The following DNER variants were observed in gnomAD, a reference collection of about 807,000 sequenced individuals.
DNER encodes delta and Notch-like epidermal growth factor-related receptor.
DNER carries 33 observed loss-of-function variants against 78.2 expected under a neutral mutation model. That is an observed-to-expected ratio of 0.42 (90% CI 0.32 to 0.56). DNER has a LOEUF of 0.56. DNER is among the 20% of genes least tolerant of loss of function. DNER has a pLI of 0.11. For missense variants in DNER, 918 were observed against 975.3 expected, an observed-to-expected ratio of 0.94 and a Z score of 0.78; for synonymous variants, 417 against 384.8, an observed-to-expected ratio of 1.08 and a Z score of -0.98.
chr2:229,596,910 T>C (rs1048544709), intron 1 of DNER, among the ~76,000 whole-genome samples: 7 of 152,250 alleles, frequency 4.6e-5, no homozygotes, highest in African/African-American at 1.4e-4. Context: ...TGATGGAGTG[T>C]GTATGCACAC....
chr2:229,516,802 A>AAAG (rs1304416351), intron 5 of DNER, among the ~76,000 whole-genome samples: 2 of 149,292 alleles, frequency 1.3e-5, no homozygotes, highest in African/African-American at 4.9e-5. Flanking sequence ...AAAAAAAAAA[A>AAAG]AAGAAAAGAA....
chr2:229,362,358 A>G (rs1269139798), intron 12 of DNER, among the ~76,000 whole-genome samples: 1 of 152,238 alleles, frequency 6.6e-6, no homozygotes, highest in Non-Finnish European at 1.5e-5. Flanking sequence ...TTCCAAGCCT[A>G]GATGCTGAAC....
rs78175906 is a variant in DNER at position 229,521,089 on chromosome 2, G to A, written c.994-8153C>T. Among the ~76,000 whole-genome samples the A allele has an allele frequency of 2.5e-3, 382 of 152,294 alleles. 3 individuals carry two copies. Among genetic ancestry groups the A allele is most frequent in the African/African-American group, 8.6e-3 (358 of 41,562 alleles). On this transcript the variant is annotated intron_variant, in intron 5 of 12. Coordinates refer to ENST00000341772, the MANE Select transcript of DNER (RefSeq NM_139072.4). ...TACAGAGCCTATGAATAAAAAGTCC[G>A]AAGACCTCTCTAAACCAGTTCCCCA...
chr2:229,408,719 A>G (rs1693442897), intron 9 of DNER, among the ~76,000 whole-genome samples: 1 of 152,226 alleles, frequency 6.6e-6, no homozygotes, highest in South Asian at 2.1e-4. Context: ...GGGCTCAGGA[A>G]GGAGGAAAGG....
intron 8 of DNER, among the ~76,000 whole-genome samples, chr2:229,434,169 G>A (rs1694073021): frequency 6.6e-6 from 1 of 152,202 alleles, no homozygotes; most frequent in African/African-American, 2.4e-5. Flanking sequence ...CCACAATGCA[G>A]ACCACGATTA....
intron 5 of DNER, among the ~76,000 whole-genome samples, chr2:229,524,425 A>G (rs1272445433): frequency 6.6e-6 from 1 of 152,206 alleles, no homozygotes; most frequent in African/African-American, 2.4e-5. Context: ...AAATGACACA[A>G]CTGATATTCA....
intron 5 of DNER, among the ~76,000 whole-genome samples, chr2:229,545,148 G>T (rs1413254226): frequency 6.6e-6 from 1 of 152,138 alleles, no homozygotes; most frequent in African/African-American, 2.4e-5. Flanking sequence ...TAAAGAAAAG[G>T]TGCTGGAGAT....
chr2:229,583,751 A>G (rs994352063), intron 4 of DNER, among the ~76,000 whole-genome samples: 4 of 152,238 alleles, frequency 2.6e-5, no homozygotes, highest in Non-Finnish European at 4.4e-5. Flanking sequence ...ATGGAAGTAA[A>G]TAACAGTTAC....
chr2:229,475,687 C>T (rs1233900139), intron 7 of DNER, among the ~76,000 whole-genome samples: 1 of 152,092 alleles, frequency 6.6e-6, no homozygotes, highest in Non-Finnish European at 1.5e-5. Flanking sequence ...AGTTCGAGGG[C>T]CATTGTTTAT....
intron 10 of DNER, among the ~76,000 whole-genome samples, chr2:229,399,354 A>C (rs957802209): frequency 1.3e-5 from 2 of 151,814 alleles, no homozygotes; most frequent in Non-Finnish European, 2.9e-5. Flanking sequence ...GGATACTTGG[A>C]TATACATGTA....
chr2:229,526,634 T>G (rs1211371064), intron 5 of DNER, among the ~76,000 whole-genome samples: 2 of 152,158 alleles, frequency 1.3e-5, no homozygotes, highest in African/African-American at 4.8e-5. Context: ...CACAACAGGG[T>G]TTGCGCTCCT....
chr2:229,555,085 T>C (rs1017881428), intron 4 of DNER, among the ~76,000 whole-genome samples: 1 of 151,806 alleles, frequency 6.6e-6, no homozygotes, highest in African/African-American at 2.4e-5. Flanking sequence ...AGTGGAGACA[T>C]TCCTCAACTT....
Position 229,666,049 on chromosome 2 carries a change from C to T in DNER, c.276+48099G>A, listed in dbSNP as rs190333556. On this transcript the variant is annotated intron_variant, in intron 1 of 12. Coordinates refer to ENST00000341772, the MANE Select transcript of DNER (RefSeq NM_139072.4). The stretch of plus-strand genomic sequence containing the variant: ...TGGTATCCAAATCCAGACTCCAAGA[C>T]TCTGTCCTGTCTTCTCTTAGCAGAG... 3.7e-3 allele frequency among the ~76,000 whole-genome samples: 564 copies of T among 152,316 alleles called. 4 individuals are homozygous for T. Among genetic ancestry groups the T allele is most frequent in the Middle Eastern group, 6.8e-3 (2 of 294 alleles).
intron 4 of DNER, among the ~76,000 whole-genome samples, chr2:229,583,583 G>A (rs1473611732): frequency 6.6e-6 from 1 of 152,124 alleles, no homozygotes; most frequent in African/African-American, 2.4e-5. Flanking sequence ...AGTATCTTCT[G>A]GTAACGTTAA....
chr2:229,472,648 G>T (rs971091389), intron 7 of DNER, among the ~76,000 whole-genome samples: 1 of 152,140 alleles, frequency 6.6e-6, no homozygotes, highest in Non-Finnish European at 1.5e-5. Flanking sequence ...GGATTTCAAA[G>T]TTCTAAACCA....
chr2:229,424,901 TC>T (rs1318784978), intron 8 of DNER, among the ~76,000 whole-genome samples: 2 of 152,186 alleles, frequency 1.3e-5, no homozygotes, highest in African/African-American at 4.8e-5. Context: ...AATAATACCA[TC>T]CTTCCCAGGT....
intron 10 of DNER, among the ~76,000 whole-genome samples, chr2:229,392,930 T>C (rs1240652048): frequency 2.0e-5 from 3 of 152,022 alleles, no homozygotes. Context: ...TGCAACAAAG[T>C]AGGCTCACGT....
chr2:229,380,820 G>A (rs189080636), intron 11 of DNER, among the ~76,000 whole-genome samples: 2 of 152,186 alleles, frequency 1.3e-5, no homozygotes, highest in East Asian at 3.9e-4. Context: ...AGCTACTCGG[G>A]AAGCTGAGGT....
Position 229,426,993 on chromosome 2 carries a change from C to T in DNER, c.1487-8763G>A, listed in dbSNP as rs543347856. Among the ~76,000 whole-genome samples the T allele has an allele frequency of 3.0e-4, 46 of 152,302 alleles. 1 individual carries two copies. In the South Asian group the frequency reaches 8.1e-3, roughly 27 times the overall value. On this transcript the variant is annotated intron_variant, in intron 8 of 12. Transcript: ENST00000341772. ...ATTTCTTTAGTCTCTAATTTCTTAT[C>T]CTTTTATTGCTCATGGCAACTAAGC...
Sources: allele counts gnomAD v4.1 joint callset (sites outside exome capture counted in the v4.1 genomes callset), GRCh38; gene constraint gnomAD v4.1.1; transcripts MANE v1.5; gene names NCBI Gene and HGNC (gene_info 2026-07-23, HGNC 2026-07-21).